AUTS2: variants seen among roughly 807,000 people sequenced by gnomAD.
The protein encoded by AUTS2 is activator of transcription and developmental regulator AUTS2.
In AUTS2, 17 loss-of-function variants were observed where a neutral mutation model predicts 112.4. The observed-to-expected ratio is 0.15, with a 90% CI of 0.10 to 0.23. AUTS2 has a LOEUF of 0.23. AUTS2 is among the 10% of genes least tolerant of loss of function. AUTS2 has a pLI of 1.00. For missense variants in AUTS2, 1,510 were observed against 1,701.6 expected (o/e 0.89, Z 1.98); for synonymous variants, 751 against 702.7 (o/e 1.07, Z -1.09).
intron 1 of AUTS2, among the ~76,000 whole-genome samples, chr7:69,695,892 C>A (rs532505971): frequency 6.6e-6 from 1 of 152,194 alleles, no homozygotes; most frequent in African/African-American, 2.4e-5. Context: ...TTCTGTATTA[C>A]GGGAGAACAC....
At chr7:70,466,766 G>A (rs1797181459) in intron 5 of AUTS2, among the ~76,000 whole-genome samples, 1 of 152,196 alleles carries the variant, frequency 6.6e-6, no homozygotes, top group South Asian at 2.1e-4. Flanking sequence ...GGCATGTACA[G>A]TTAGTCTTGA....
intron 4 of AUTS2, among the ~76,000 whole-genome samples, chr7:70,381,970 A>G (rs1793386275): frequency 6.6e-6 from 1 of 152,142 alleles, no homozygotes; most frequent in Admixed American, 6.5e-5. Context: ...GTTAAACCAG[A>G]AAGACTAAAA....
chr7:69,971,630 CATT>C, intron 2 of AUTS2, among the ~76,000 whole-genome samples: 1 of 152,302 alleles, frequency 6.6e-6, no homozygotes, highest in Middle Eastern at 3.4e-3. Context: ...CAACCCCCAT[CATT>C]AACTCCTGAT....
chr7:70,772,258 A>G (rs933998608), intron 11 of AUTS2, among the ~76,000 whole-genome samples: 1 of 152,236 alleles, frequency 6.6e-6, no homozygotes, highest in Non-Finnish European at 1.5e-5. Flanking sequence ...AGACTTTGTC[A>G]TCAGTTACTA....
chr7:70,473,374 G>A (rs935593945), intron 5 of AUTS2, among the ~76,000 whole-genome samples: 4 of 152,106 alleles, frequency 2.6e-5, no homozygotes, highest in Non-Finnish European at 5.9e-5. Context: ...CTGTTTATGG[G>A]CAGCCATTCC....
chr7:70,043,597 CTTCCTTCCTTTT>C (rs1801357657), intron 2 of AUTS2, among the ~76,000 whole-genome samples: 7 of 59,312 alleles, frequency 1.2e-4, no homozygotes, highest in Admixed American at 4.4e-4. Flanking sequence ...TCCTTCCTTC[CTTCCTTCCTTTT>C]TTTTTTTTTT....
intron 4 of AUTS2, among the ~76,000 whole-genome samples, chr7:70,420,042 C>T (rs1795150791): frequency 6.6e-6 from 1 of 152,164 alleles, no homozygotes; most frequent in Non-Finnish European, 1.5e-5. Context: ...TTAAAGGTCT[C>T]CTGGGGCTAT....
At chr7:70,301,545 TTG>T in intron 4 of AUTS2, among the ~76,000 whole-genome samples, 1 of 152,260 alleles carries the variant, frequency 6.6e-6, no homozygotes, top group African/African-American at 2.4e-5. Context: ...CGTGCAACAT[TTG>T]TGAGGTTCTA....
At chr7:70,627,555 G>C (rs1231518818) in intron 5 of AUTS2, among the ~76,000 whole-genome samples, 3 of 152,204 alleles carry the variant, frequency 2.0e-5, no homozygotes, top group African/African-American at 7.2e-5. Context: ...ATCAGCACCA[G>C]CTCATTATTC....
At chr7:70,181,420 C>A (rs1187596971) in intron 4 of AUTS2, among the ~76,000 whole-genome samples, 4 of 152,136 alleles carry the variant, frequency 2.6e-5, no homozygotes, top group Non-Finnish European at 4.4e-5. Flanking sequence ...AGTCTTCTCA[C>A]CTATCTTCTT....
In AUTS2 at chr7:69,789,237, A is replaced by T. The variant is rs552075116; in HGVS notation, c.310-110049A>T. Among the ~76,000 whole-genome samples the T allele has an allele frequency of 2.0e-5, 3 of 152,156 alleles. No homozygotes were observed. In the East Asian group the frequency reaches 5.8e-4, roughly 29 times the overall value. Reference sequence around the variant, plus strand: ...ATTCAGCAATGGCTCTCAAACTTCAATGCACATCAGAATTACGTGGGGGCA... The same window carrying T: ...ATTCAGCAATGGCTCTCAAACTTCATTGCACATCAGAATTACGTGGGGGCA... On this transcript the variant is annotated intron_variant, in intron 1 of 18. Coordinates refer to ENST00000342771, the MANE Select transcript of AUTS2 (RefSeq NM_015570.4).
intron 5 of AUTS2, among the ~76,000 whole-genome samples, chr7:70,498,029 G>C (rs1418076218): frequency 1.3e-5 from 2 of 152,172 alleles, no homozygotes; most frequent in African/African-American, 2.4e-5. Flanking sequence ...TAGTGCCAAG[G>C]AGAGAAAGAA....
At chr7:70,092,099 G>A (rs1803950958) in intron 2 of AUTS2, among the ~76,000 whole-genome samples, 1 of 151,376 alleles carries the variant, frequency 6.6e-6, no homozygotes, top group African/African-American at 2.4e-5. Context: ...ATACTTAGGA[G>A]TATTTTAATA....
chr7:70,158,915 A>G (rs1249159787), intron 4 of AUTS2, among the ~76,000 whole-genome samples: 2 of 152,218 alleles, frequency 1.3e-5, no homozygotes, highest in African/African-American at 4.8e-5. Context: ...TACATATGAT[A>G]TGAGTATATC....
At chr7:70,753,047 G>A (rs1201812574) in intron 6 of AUTS2, among the ~76,000 whole-genome samples, 2 of 152,080 alleles carry the variant, frequency 1.3e-5, no homozygotes, top group African/African-American at 2.4e-5. Flanking sequence ...TTTTGGTGTG[G>A]GGTTTAGGAG....
intron 1 of AUTS2, among the ~76,000 whole-genome samples, chr7:69,648,816 A>G (rs923316818): frequency 1.3e-5 from 2 of 152,176 alleles, no homozygotes; most frequent in African/African-American, 4.8e-5. Flanking sequence ...TATCTGCCAG[A>G]TAGGTTTAAG....
At chr7:70,331,015 T>C (rs1790720422) in intron 4 of AUTS2, among the ~76,000 whole-genome samples, 1 of 152,168 alleles carries the variant, frequency 6.6e-6, no homozygotes, top group South Asian at 2.1e-4. Flanking sequence ...TTTTCTTTTT[T>C]TGTTGTGTCT....
intron 5 of AUTS2, among the ~76,000 whole-genome samples, chr7:70,486,594 A>G (rs1798010588): frequency 6.6e-6 from 1 of 152,006 alleles, no homozygotes; most frequent in African/African-American, 2.4e-5. Flanking sequence ...AAACAAAAAC[A>G]AAACAAAACA....
At chr7:70,172,769 A>G (rs1195018838) in intron 4 of AUTS2, among the ~76,000 whole-genome samples, 3 of 152,182 alleles carry the variant, frequency 2.0e-5, no homozygotes, top group South Asian at 2.1e-4. Flanking sequence ...TGCCTTCATT[A>G]TTATTATGTC....
Sources: gnomAD v4.1 joint callset for allele counts (sites outside exome capture counted in the v4.1 genomes callset) on GRCh38, gnomAD v4.1.1 for gene constraint, MANE v1.5 for transcripts, NCBI Gene and HGNC (gene_info 2026-07-23, HGNC 2026-07-21) for gene names.